SLC9A9: variants seen among roughly 807,000 people sequenced by gnomAD.
SLC9A9 encodes sodium/hydrogen exchanger 9.
Under a neutral mutation model 77.8 loss-of-function variants are expected in SLC9A9, and 62 were observed. The observed-to-expected ratio is 0.80, with a 90% confidence interval of 0.65 to 0.98. The LOEUF (loss-of-function observed/expected upper bound fraction) is 0.98. SLC9A9 is among the 50% of genes least tolerant of loss of function. The pLI is 0.00. For synonymous variants in SLC9A9, 320 were observed against 283.5 expected (o/e 1.13, Z -1.29); for missense variants, 775 against 774.9 (o/e 1.00, Z 0.00).
intron 9 of SLC9A9, among the ~76,000 whole-genome samples, chr3:143,538,320 A>G (rs532471713): frequency 1.3e-5 from 2 of 152,316 alleles, no homozygotes; most frequent in East Asian, 1.9e-4. Context: ...ACTTGGTACT[A>G]TAAGAGCAAG....
intron 11 of SLC9A9, among the ~76,000 whole-genome samples, chr3:143,472,593 T>A (rs1160598138): frequency 6.6e-6 from 1 of 152,226 alleles, no homozygotes; most frequent in Non-Finnish European, 1.5e-5. Flanking sequence ...GTTATATTCC[T>A]AACACAATCC....
In SLC9A9 at chr3:143,592,514, T is replaced by C. The variant is rs576757553; in HGVS notation, c.756-13791A>G. ...CTGCTCCAGGCTAGCAGACAACATA[T>C]GTGAGAACACAATTAAATTAATGAT... On this transcript the variant is annotated intron_variant, in intron 6 of 15. Coordinates refer to ENST00000316549, the MANE Select transcript of SLC9A9 (RefSeq NM_173653.4). 3.3e-5 allele frequency among the ~76,000 whole-genome samples: 5 copies of C among 152,344 alleles called. No homozygotes were observed. The East Asian group carries it at 7.7e-4, about 24-fold the overall frequency.
chr3:143,625,584 C>G lies in SLC9A9; in HGVS notation c.755+26671G>C, dbSNP rs2038307458. Among the ~76,000 whole-genome samples the G allele has an allele frequency of 2.0e-5, 3 of 152,136 alleles. No individual in the cohort carries two copies. In the South Asian group the frequency reaches 6.2e-4, roughly 32 times the overall value. The stretch of plus-strand genomic sequence containing the variant: ...CATATGTAGAAAGCTGAAACTGGAT[C>G]CCTTCCTTATACCTTATACAAAAAT... On this transcript the variant is annotated intron_variant, in intron 6 of 15. Transcript: ENST00000316549.
At chr3:143,553,005 C>G (rs2036918993) in intron 8 of SLC9A9, among the ~76,000 whole-genome samples, 1 of 152,110 alleles carries the variant, frequency 6.6e-6, no homozygotes. Context: ...GAAAGGAGAC[C>G]TTGTTTTCTC....
intron 14 of SLC9A9, among the ~76,000 whole-genome samples, chr3:143,287,207 G>A (rs1559852988): frequency 6.6e-6 from 1 of 152,150 alleles, no homozygotes; most frequent in Non-Finnish European, 1.5e-5. Flanking sequence ...GCACTGACTG[G>A]GAGGAGGTAG....
At chr3:143,458,508 C>T (rs576679533) in intron 12 of SLC9A9, among the ~76,000 whole-genome samples, 28 of 152,098 alleles carry the variant, frequency 1.8e-4, no homozygotes, top group African/African-American at 5.1e-4. Flanking sequence ...CCTCTGTTTT[C>T]GTCTCCTGCC....
At chr3:143,840,245 C>T (rs1241590222) in intron 1 of SLC9A9, among the ~76,000 whole-genome samples, 2 of 41,788 alleles carry the variant, frequency 4.8e-5, no homozygotes, top group African/African-American at 1.1e-4. Context: ...ATAGTAGTTC[C>T]TACCAACATA....
intron 2 of SLC9A9, among the ~76,000 whole-genome samples, chr3:143,818,472 G>A (rs550916192): frequency 5.9e-5 from 9 of 151,968 alleles, no homozygotes; most frequent in African/African-American, 9.7e-5. Context: ...ACGCCCAGCT[G>A]ATTTTTGTAT....
chr3:143,675,809 A>G (rs74876246), intron 5 of SLC9A9, among the ~76,000 whole-genome samples: 5,284 of 152,280 alleles, frequency 0.035, 279 homozygotes, highest in African/African-American at 0.12. Context: ...TGATCATAAT[A>G]TGCATACTCT....
chr3:143,390,951 G>A (rs1012973489), intron 12 of SLC9A9, among the ~76,000 whole-genome samples: 1 of 152,214 alleles, frequency 6.6e-6, no homozygotes, highest in Non-Finnish European at 1.5e-5. Flanking sequence ...AAAGCGGCTG[G>A]GAAGCTTGAA....
intron 5 of SLC9A9, among the ~76,000 whole-genome samples, chr3:143,662,729 G>A (rs997632086): frequency 5.3e-5 from 8 of 152,088 alleles, no homozygotes; most frequent in African/African-American, 1.7e-4. Context: ...ATGAAATTGC[G>A]AGGTAGCAGC....
At chr3:143,391,541 C>A in intron 12 of SLC9A9, among the ~76,000 whole-genome samples, 1 of 152,290 alleles carries the variant, frequency 6.6e-6, no homozygotes, top group East Asian at 1.9e-4. Flanking sequence ...AAAATCAGAG[C>A]GCCTCTCCCC....
At chr3:143,708,025 G>T (rs1471834889) in intron 4 of SLC9A9, among the ~76,000 whole-genome samples, 1 of 152,102 alleles carries the variant, frequency 6.6e-6, no homozygotes, top group East Asian at 1.9e-4. Flanking sequence ...TGCCTGCAGG[G>T]GATCAAGCCT....
intron 9 of SLC9A9, among the ~76,000 whole-genome samples, chr3:143,524,722 T>C (rs2036374725): frequency 6.6e-6 from 1 of 152,214 alleles, no homozygotes. Flanking sequence ...AAACTTATGT[T>C]GAGACTTGGT....
At chr3:143,420,843 CT>C (rs1404068191) in intron 12 of SLC9A9, among the ~76,000 whole-genome samples, 1 of 152,140 alleles carries the variant, frequency 6.6e-6, no homozygotes, top group Non-Finnish European at 1.5e-5. Context: ...CAAATTGTCT[CT>C]CTTTACTGAG....
intron 4 of SLC9A9, among the ~76,000 whole-genome samples, chr3:143,777,909 T>C (rs1325555015): frequency 1.5e-4 from 22 of 151,588 alleles, no homozygotes; most frequent in Admixed American, 1.4e-3. Context: ...GAGACGGGGT[T>C]TCACCATGTT....
At chr3:143,442,794 G>T (rs2034769158) in intron 12 of SLC9A9, among the ~76,000 whole-genome samples, 2 of 152,184 alleles carry the variant, frequency 1.3e-5, no homozygotes, top group Admixed American at 6.5e-5. Flanking sequence ...AATGGGACTG[G>T]TGAGTTCAGT....
intron 4 of SLC9A9, among the ~76,000 whole-genome samples, chr3:143,700,163 G>A (rs555244094): frequency 2.0e-5 from 3 of 151,910 alleles, no homozygotes; most frequent in Non-Finnish European, 4.4e-5. Flanking sequence ...AGAGCCCTTG[G>A]GCCCTAAATA....
intron 4 of SLC9A9, among the ~76,000 whole-genome samples, chr3:143,703,178 A>G (rs1933854791): frequency 1.3e-5 from 2 of 152,242 alleles, no homozygotes; most frequent in African/African-American, 4.8e-5. Context: ...ACAGAAAACC[A>G]ACAAAGAAAC....
Sources: allele counts gnomAD v4.1 joint callset (sites outside exome capture counted in the v4.1 genomes callset), GRCh38; gene constraint gnomAD v4.1.1; transcripts MANE v1.5; gene names NCBI Gene and HGNC (gene_info 2026-07-23, HGNC 2026-07-21).